CHD9NB: variants seen among roughly 807,000 people sequenced by gnomAD.
The protein encoded by CHD9NB is CHD9 neighbor.
chr16:53,043,996 C>T, the CHD9NB span: 12 of 398,812 alleles, frequency 3.0e-5, no homozygotes, highest in East Asian at 4.3e-4. Context: ...TGGAGAGAGG[C>T]ATTTCAGCTC....
chr16:53,049,276 C>A, the CHD9NB span, among the ~76,000 whole-genome samples: 1 of 151,970 alleles, frequency 6.6e-6, no homozygotes, highest in Admixed American at 6.6e-5. Flanking sequence ...CTGCCTCAGC[C>A]TCCTCAGTGG....
the CHD9NB span, among the ~76,000 whole-genome samples, chr16:53,042,043 T>G: frequency 6.6e-6 from 1 of 152,186 alleles, no homozygotes; most frequent in Admixed American, 6.5e-5. Context: ...TTGTGCCTCC[T>G]TCCTTATTTT....
the CHD9NB span, among the ~76,000 whole-genome samples, chr16:53,037,271 T>C: frequency 6.6e-6 from 1 of 152,206 alleles, no homozygotes; most frequent in Non-Finnish European, 1.5e-5. Context: ...CCTCAGCTTC[T>C]TCCCTTACAA....
chr16:53,041,169 A>T, the CHD9NB span, among the ~76,000 whole-genome samples: 1 of 152,244 alleles, frequency 6.6e-6, no homozygotes, highest in Non-Finnish European at 1.5e-5. Context: ...GGATGGATAG[A>T]TACGTTAACT....
chr16:53,051,768 A>AATATATATATATATATATATAT, the CHD9NB span, among the ~76,000 whole-genome samples: 4 of 104,642 alleles, frequency 3.8e-5, no homozygotes, highest in Non-Finnish European at 6.9e-5. Context: ...TAAAAGTATA[A>AATATATATATATATATATATAT]ATATATATAT....
the CHD9NB span, among the ~76,000 whole-genome samples, chr16:53,045,528 T>A: frequency 6.6e-6 from 1 of 152,216 alleles, no homozygotes; most frequent in East Asian, 1.9e-4. Context: ...CTAACTCTAG[T>A]AGGGGACTGA....
chr16:53,042,308 G>A, the CHD9NB span, among the ~76,000 whole-genome samples: 81 of 102,022 alleles, frequency 7.9e-4, no homozygotes, highest in Non-Finnish European at 1.2e-3. Context: ...TCCTCCCTCC[G>A]TCTCCCCTCT....
At chr16:53,045,294 C>T in the CHD9NB span, among the ~76,000 whole-genome samples, 1 of 152,038 alleles carries the variant, frequency 6.6e-6, no homozygotes, top group Non-Finnish European at 1.5e-5. Flanking sequence ...TTTTGAAGAC[C>T]CCATCAGGCT....
the CHD9NB span, among the ~76,000 whole-genome samples, chr16:53,036,808 A>G: frequency 6.6e-6 from 1 of 152,232 alleles, no homozygotes; most frequent in South Asian, 2.1e-4. Flanking sequence ...TTCCTGTCAG[A>G]CAACTTTGTA....
the CHD9NB span, chr16:53,043,880 T>G: frequency 2.5e-6 from 1 of 397,644 alleles, no homozygotes; most frequent in Non-Finnish European, 4.4e-6. Flanking sequence ...ATCCCAAAGC[T>G]GGAGGCTTTC....
the CHD9NB span, among the ~76,000 whole-genome samples, chr16:53,037,917 T>C: frequency 1.3e-5 from 2 of 152,142 alleles, no homozygotes; most frequent in Non-Finnish European, 1.5e-5. Flanking sequence ...TATCGAGATA[T>C]ATAAGGGGAG....
chr16:53,038,899 C>T, the CHD9NB span, among the ~76,000 whole-genome samples: 1 of 152,166 alleles, frequency 6.6e-6, no homozygotes, highest in Non-Finnish European at 1.5e-5. Context: ...AATGCTCAGA[C>T]ATGGTAAGAG....
chr16:53,039,717 C>A, the CHD9NB span, among the ~76,000 whole-genome samples: 1 of 146,290 alleles, frequency 6.8e-6, no homozygotes, highest in Non-Finnish European at 1.5e-5. Flanking sequence ...TGCACTCCAG[C>A]CTGGGTGACA....
chr16:53,037,816 G>A, the CHD9NB span, among the ~76,000 whole-genome samples: 560 of 152,318 alleles, frequency 3.7e-3, 3 homozygotes, highest in African/African-American at 0.013. Flanking sequence ...ACTGCCTAGT[G>A]CAAGCCCCAG....
At chr16:53,037,085 G>A in the CHD9NB span, among the ~76,000 whole-genome samples, 1 of 152,038 alleles carries the variant, frequency 6.6e-6, no homozygotes, top group Admixed American at 6.6e-5. Flanking sequence ...ACAGGCACAC[G>A]CCACCACACC....
At chr16:53,039,048 A>G in the CHD9NB span, among the ~76,000 whole-genome samples, 6 of 151,982 alleles carry the variant, frequency 3.9e-5, no homozygotes, top group African/African-American at 1.4e-4. Flanking sequence ...TTGCCTTCTA[A>G]TTGGTATTCA....
chr16:53,040,499 C>T, the CHD9NB span, among the ~76,000 whole-genome samples: 1 of 152,164 alleles, frequency 6.6e-6, no homozygotes, highest in African/African-American at 2.4e-5. Flanking sequence ...GTCATACATT[C>T]GCTTCCAAAA....
chr16:53,036,769 A>G, the CHD9NB span, among the ~76,000 whole-genome samples: 1 of 152,208 alleles, frequency 6.6e-6, no homozygotes, highest in African/African-American at 2.4e-5. Flanking sequence ...CTAATCACTA[A>G]TCAATGTTAT....
chr16:53,045,666 G>A, the CHD9NB span, among the ~76,000 whole-genome samples: 2 of 152,146 alleles, frequency 1.3e-5, no homozygotes, highest in East Asian at 3.9e-4. Flanking sequence ...ACATTGACTC[G>A]GATTCACTTG....
Sources: gnomAD v4.1 joint callset for allele counts (sites outside exome capture counted in the v4.1 genomes callset) on GRCh38, gnomAD v4.1.1 for gene constraint, MANE v1.5 for transcripts, NCBI Gene and HGNC (gene_info 2026-07-23, HGNC 2026-07-21) for gene names.